KCNN2: variants seen among roughly 807,000 people sequenced by gnomAD.
KCNN2 encodes potassium calcium-activated channel subfamily N member 2, also known as small conductance calcium-activated potassium channel protein 2.
KCNN2 carries 24 observed loss-of-function variants against 55.5 expected under a neutral mutation model. The ratio of observed to expected loss-of-function variants is 0.43; its 90% CI spans 0.31 to 0.61. The LOEUF (loss-of-function observed/expected upper bound fraction) is 0.61. Among genes scored for constraint, KCNN2 ranks in the 20% least tolerant of loss-of-function variants. The pLI, the probability that KCNN2 is intolerant of heterozygous loss-of-function variation, is 0.08. For synonymous variants in KCNN2, 431 were observed against 336.1 expected (o/e 1.28, Z -3.09); for missense variants, 754 against 853.6 (o/e 0.88, Z 1.45).
rs1444078541 is a variant in KCNN2, at chr5:114,099,859, T to C, written c.-271+43359T>C. ...TTAGAGAGGTCCTCACACAAAAAGG[T>C]GTCTTTTAAATAATATATATAAAGA... On this transcript the variant is annotated intron_variant, in intron 1 of 10. Coordinates refer to the KCNN2 transcript ENST00000512097. Among the ~76,000 whole-genome samples the C allele has an allele frequency of 1.1e-4, 17 of 152,088 alleles. No individual in the cohort carries two copies. In the South Asian group the frequency reaches 2.3e-3, roughly 20 times the overall value.
Position 114,214,188 on chromosome 5 carries a change from G to A in KCNN2, c.-270-7292G>A, listed in dbSNP as rs1038422501. Among the ~76,000 whole-genome samples the A allele has an allele frequency of 7.0e-4, 106 of 152,058 alleles. 3 individuals are homozygous for A. Among genetic ancestry groups the A allele is most frequent in the Admixed American group, 6.9e-3 (105 of 15,250 alleles). The stretch of plus-strand genomic sequence containing the variant: ...TAGCTTCATATGCCATTAGTAAATA[G>A]CTTCGTATGCCATACAGTCTCTGTT... On this transcript the variant is annotated intron_variant, in intron 1 of 10. Transcript: ENST00000512097.
At chr5:114,293,307 A>C (rs1328163747) in intron 2 of KCNN2, among the ~76,000 whole-genome samples, 2 of 152,150 alleles carry the variant, frequency 1.3e-5, no homozygotes, top group African/African-American at 4.8e-5. Flanking sequence ...TTGCCCATTC[A>C]GTATGATATT....
chr5:114,358,124 C>T (rs1757332853), upstream of KCNN2, among the ~76,000 whole-genome samples: 1 of 151,558 alleles, frequency 6.6e-6, no homozygotes, highest in South Asian at 2.1e-4. Context: ...AAACACATGA[C>T]TAAAGAGCTT....
intron 1 of KCNN2, among the ~76,000 whole-genome samples, chr5:114,202,563 G>A (rs1357581333): frequency 1.3e-5 from 1 of 74,914 alleles, no homozygotes; most frequent in Non-Finnish European, 2.8e-5. Context: ...ATATATATGT[G>A]TGTGTATATA....
intron 2 of KCNN2, among the ~76,000 whole-genome samples, chr5:114,336,746 G>C (rs1295886255): frequency 6.6e-6 from 1 of 152,192 alleles, no homozygotes; most frequent in Non-Finnish European, 1.5e-5. Context: ...GCTGAATCAT[G>C]AGGATGTGGC....
At chr5:114,379,680 A>C (rs1758053347) in intron 2 of KCNN2, among the ~76,000 whole-genome samples, 1 of 105,944 alleles carries the variant, frequency 9.4e-6, no homozygotes. Flanking sequence ...AATATATTAT[A>C]TAACATATTA....
chr5:114,462,632 C>A (rs755698280), intron 3 of KCNN2, among the ~76,000 whole-genome samples: 2 of 152,072 alleles, frequency 1.3e-5, no homozygotes, highest in Non-Finnish European at 2.9e-5. Flanking sequence ...TAGCAAAGGC[C>A]AGTCCAAGCA....
chr5:114,476,239 A>G (rs1761960512), intron 5 of KCNN2, among the ~76,000 whole-genome samples: 1 of 137,842 alleles, frequency 7.3e-6, no homozygotes, highest in African/African-American at 2.7e-5. Context: ...GTCCATGTCC[A>G]ACAATGATAG....
In KCNN2 at chr5:114,284,243, A is replaced by T. The variant is rs186816019; in HGVS notation, c.-185+62678A>T. 5.0e-3 allele frequency among the ~76,000 whole-genome samples: 762 copies of T among 152,222 alleles called. 13 individuals carry two copies. The highest frequency in any genetic ancestry group is 2.9e-3 in the Non-Finnish European group (198 of 68,002). ...GTAAATCTTTTCTGACTTTTAATCG[A>T]GTTTTTTAGTCATCTTCAGCAAAAG... On this transcript the variant is annotated intron_variant, in intron 2 of 10. Transcript: ENST00000512097.
At chr5:114,095,281 T>A (rs1344413227) in intron 1 of KCNN2, among the ~76,000 whole-genome samples, 1 of 152,220 alleles carries the variant, frequency 6.6e-6, no homozygotes, top group East Asian at 1.9e-4. Flanking sequence ...ATAACTATCA[T>A]TTTGCTGAGC....
At chr5:114,180,210 AT>A (rs758714262) in intron 1 of KCNN2, among the ~76,000 whole-genome samples, 1 of 151,656 alleles carries the variant, frequency 6.6e-6, no homozygotes, top group African/African-American at 2.4e-5. Context: ...CCATATAGAC[AT>A]TTTTTTTTCT....
At chr5:114,356,424 A>G (rs2150042044) in intron 2 of KCNN2, among the ~76,000 whole-genome samples, 1 of 152,274 alleles carries the variant, frequency 6.6e-6, no homozygotes, top group South Asian at 2.1e-4. Flanking sequence ...AATCCAGATT[A>G]TTTTAATAAG....
intron 1 of KCNN2, among the ~76,000 whole-genome samples, chr5:114,157,251 C>A (rs894263591): frequency 6.7e-6 from 1 of 150,004 alleles, no homozygotes; most frequent in Non-Finnish European, 1.5e-5. Flanking sequence ...TGAGAACATG[C>A]GGTGTTTGGC....
chr5:114,171,186 C>A (rs1255370265), intron 1 of KCNN2, among the ~76,000 whole-genome samples: 1 of 151,856 alleles, frequency 6.6e-6, no homozygotes, highest in Non-Finnish European at 1.5e-5. Context: ...AAAGTAAAAG[C>A]CATTTTTAGG....
chr5:114,220,542 G>GT (rs975354935), intron 1 of KCNN2, among the ~76,000 whole-genome samples: 3 of 151,998 alleles, frequency 2.0e-5, no homozygotes, highest in East Asian at 1.9e-4. Flanking sequence ...ATACAGAAAT[G>GT]TTTTTTAAAA....
At chr5:114,186,593 A>G (rs564974047) in intron 1 of KCNN2, among the ~76,000 whole-genome samples, 3 of 152,332 alleles carry the variant, frequency 2.0e-5, no homozygotes, top group South Asian at 2.1e-4. Context: ...TATGTGCTGA[A>G]GTTAGGAGTT....
intron 2 of KCNN2, among the ~76,000 whole-genome samples, chr5:114,346,425 C>G (rs1260546072): frequency 6.6e-6 from 1 of 152,050 alleles, no homozygotes. Context: ...TGTTTTCTGT[C>G]TGGGAATTAC....
chr5:114,486,821 A>G (rs1252898772), intron 5 of KCNN2: 1 of 1,306,866 alleles, frequency 7.7e-7, no homozygotes, highest in East Asian at 3.1e-5. Flanking sequence ...AGAATTTACC[A>G]CAGAAAGAAA....
intron 2 of KCNN2, among the ~76,000 whole-genome samples, chr5:114,387,950 C>T (rs1037366559): frequency 3.0e-4 from 45 of 152,280 alleles, no homozygotes; most frequent in African/African-American, 8.4e-4. Flanking sequence ...TCTCTTTACC[C>T]GCCTTCTGTC....
Sources: allele counts gnomAD v4.1 joint callset (sites outside exome capture counted in the v4.1 genomes callset), GRCh38; gene constraint gnomAD v4.1.1; transcripts MANE v1.5; gene names NCBI Gene and HGNC (gene_info 2026-07-23, HGNC 2026-07-21).